Variants in ST8SIA1 observed in about 807,000 individuals in gnomAD.
ST8SIA1 encodes the protein alpha-N-acetylneuraminide alpha-2,8-sialyltransferase.
In ST8SIA1, 16 loss-of-function variants were observed where a neutral mutation model predicts 35.9. The ratio of observed to expected loss-of-function variants is 0.45; its 90% CI spans 0.30 to 0.68. The LOEUF is 0.68. Among genes scored for constraint, ST8SIA1 ranks in the 30% least tolerant of loss-of-function variants. The pLI is 0.09. For synonymous variants in ST8SIA1, 170 were observed against 169.6 expected, an observed-to-expected ratio of 1.00 and a Z score of -0.02; for missense variants, 383 against 453.6, an observed-to-expected ratio of 0.84 and a Z score of 1.41.
chr12:22,269,913 A>G (rs1865891599), intron 2 of ST8SIA1, among the ~76,000 whole-genome samples: 1 of 152,158 alleles, frequency 6.6e-6, no homozygotes, highest in Non-Finnish European at 1.5e-5. Context: ...TTAAATATGG[A>G]ATTGTTAGGT....
intron 4 of ST8SIA1, among the ~76,000 whole-genome samples, chr12:22,222,501 T>C (rs1865310636): frequency 2.0e-5 from 3 of 152,132 alleles, no homozygotes; most frequent in Non-Finnish European, 4.4e-5. Flanking sequence ...TTATCACAGT[T>C]AACAAGCAGT....
intron 2 of ST8SIA1, among the ~76,000 whole-genome samples, chr12:22,259,954 A>G (rs1193348336): frequency 1.3e-5 from 2 of 152,130 alleles, no homozygotes; most frequent in African/African-American, 4.8e-5. Flanking sequence ...GAATATTACT[A>G]TTTTAACAGA....
intron 4 of ST8SIA1, among the ~76,000 whole-genome samples, chr12:22,222,404 T>A (rs961902083): frequency 1.3e-5 from 2 of 152,178 alleles, no homozygotes; most frequent in African/African-American, 4.8e-5. Flanking sequence ...GGTAGTGGAT[T>A]TACATTAGAA....
At chr12:22,325,525 A>G in intron 1 of ST8SIA1, 1 of 700,982 alleles carries the variant, frequency 1.4e-6, no homozygotes, top group Admixed American at 2.0e-5. Flanking sequence ...CATTATCCAA[A>G]ACAGTCAAAC....
chr12:22,246,654 G>T (rs80197717), intron 4 of ST8SIA1, among the ~76,000 whole-genome samples: 6 of 149,676 alleles, frequency 4.0e-5, no homozygotes, highest in South Asian at 4.3e-4. Flanking sequence ...AGCAGTTTGG[G>T]TTTTTTTTTT....
chr12:22,333,684 TCCTGGGTTCTCCTTC>T (rs1477410520), intron 1 of ST8SIA1, among the ~76,000 whole-genome samples: 2 of 152,248 alleles, frequency 1.3e-5, no homozygotes, highest in Non-Finnish European at 2.9e-5. Flanking sequence ...GACTAAGTTA[TCCTGGGTTCTCCTTC>T]CCTCTGTTTT....
chr12:22,226,929 C>A (rs919558673), intron 4 of ST8SIA1, among the ~76,000 whole-genome samples: 10 of 151,920 alleles, frequency 6.6e-5, no homozygotes, highest in African/African-American at 2.4e-4. Flanking sequence ...TCCTCTGAGT[C>A]TTTTTTGTTT....
intron 1 of ST8SIA1, among the ~76,000 whole-genome samples, chr12:22,322,793 T>G (rs1591857838): frequency 6.6e-6 from 1 of 152,330 alleles, no homozygotes; most frequent in African/African-American, 2.4e-5. Flanking sequence ...TTATGACACC[T>G]CCACCCTTCA....
At position 22,199,783 on chromosome 12, in the gene ST8SIA1, T is replaced by G. The variant is rs1865030221; in HGVS notation, c.*1769A>C. ...CACAGAAAATACCAGCCATTATTGT[T>G]TACGTGGTAACATGGTATGCTGAGT... On this transcript the variant is annotated 3_prime_UTR_variant, in exon 5 of 5. Transcript: ENST00000396037. 6.6e-6 allele frequency: 1 copy of G among 152,216 alleles called. No homozygotes were observed. Among genetic ancestry groups the G allele is most frequent in the Non-Finnish European group, 1.5e-5 (1 of 68,034 alleles). 9.4% of individuals were successfully genotyped at this position (152,216 alleles called of 1,614,324 possible).
rs1865321245 is a variant in ST8SIA1, at chr12:22,223,369, A to C, written c.585-21331T>G. 3.8e-5 allele frequency: 8 copies of C among 208,542 alleles called. No individual in the cohort carries two copies. In the Admixed American group the frequency reaches 5.2e-4, roughly 14 times the overall value. The allele number at this position is 208,542 out of a possible 1,614,324, so 12.9% of individuals were successfully genotyped here. On this transcript the variant is annotated intron_variant, in intron 4 of 4. Coordinates refer to ENST00000396037, the MANE Select transcript of ST8SIA1 (RefSeq NM_003034.4). ...AATTTGAATGTTTAGAGTGTGGTGC[A>C]TGTATGGACTGGATCACAAAATAAT...
At chr12:22,282,288 A>G (rs1409461235) in intron 2 of ST8SIA1, among the ~76,000 whole-genome samples, 2 of 152,168 alleles carry the variant, frequency 1.3e-5, no homozygotes, top group African/African-American at 4.8e-5. Flanking sequence ...AGCTTCATCC[A>G]TGAAATGGAG....
At chr12:22,227,767 C>A (rs1428843277) in intron 4 of ST8SIA1, among the ~76,000 whole-genome samples, 2 of 152,068 alleles carry the variant, frequency 1.3e-5, no homozygotes, top group Non-Finnish European at 2.9e-5. Context: ...AGTATTTGTG[C>A]ATTTTCTTTC....
chr12:22,207,966 AACCCC>A (rs1865132192), intron 4 of ST8SIA1, among the ~76,000 whole-genome samples: 1 of 152,036 alleles, frequency 6.6e-6, no homozygotes, highest in African/African-American at 2.4e-5. Context: ...AATATAGCGA[AACCCC>A]ATCTCTACTA....
At chr12:22,310,396 C>G (rs541941198) in intron 1 of ST8SIA1, among the ~76,000 whole-genome samples, 1 of 152,176 alleles carries the variant, frequency 6.6e-6, no homozygotes, top group Non-Finnish European at 1.5e-5. Context: ...AGGGGCCTGT[C>G]TGTGCTAAAG....
At chr12:22,293,121 TA>T (rs1398040271) in intron 1 of ST8SIA1, among the ~76,000 whole-genome samples, 6 of 152,182 alleles carry the variant, frequency 3.9e-5, no homozygotes, top group African/African-American at 1.2e-4. Context: ...ACATTTTCAG[TA>T]GTAGAAGATC....
intron 3 of ST8SIA1, 73 bp from the exon 4 acceptor site, chr12:22,249,171 G>T (rs1865636986): frequency 2.1e-6 from 2 of 939,530 alleles, no homozygotes; most frequent in Non-Finnish European, 3.3e-6. Flanking sequence ...AATACAAATA[G>T]AAATGTTATT....
chr12:22,243,886 C>A (rs187476758), intron 4 of ST8SIA1, among the ~76,000 whole-genome samples: 131 of 152,166 alleles, frequency 8.6e-4, no homozygotes, highest in Non-Finnish European at 1.5e-3. Context: ...ACAAAATCAC[C>A]CGGGTGTGGT....
intron 2 of ST8SIA1, among the ~76,000 whole-genome samples, chr12:22,286,065 A>G (rs781602851): frequency 6.6e-6 from 1 of 152,246 alleles, no homozygotes; most frequent in South Asian, 2.1e-4. Context: ...TCAGTTCCAT[A>G]TATCATAGCT....
chr12:22,250,163 G>A (rs1021768949), intron 3 of ST8SIA1, among the ~76,000 whole-genome samples: 1 of 152,174 alleles, frequency 6.6e-6, no homozygotes, highest in Non-Finnish European at 1.5e-5. Context: ...TCTTATGAAT[G>A]CTTACAATGG....
Sources: gnomAD v4.1 joint callset for allele counts (sites outside exome capture counted in the v4.1 genomes callset) on GRCh38, gnomAD v4.1.1 for gene constraint, MANE v1.5 for transcripts, NCBI Gene and HGNC (gene_info 2026-07-23, HGNC 2026-07-21) for gene names.